Variants in NBAS observed in about 807,000 individuals in gnomAD.
The protein encoded by NBAS is NAG/BC035112 fusion.
Under a neutral mutation model 302.5 loss-of-function variants are expected in NBAS, and 219 were observed. That is an observed-to-expected ratio of 0.72 (90% CI 0.65 to 0.81). NBAS has a LOEUF of 0.81. Among genes scored for constraint, NBAS ranks in the 30% least tolerant of loss-of-function variants. NBAS has a pLI of 0.00. For synonymous variants in NBAS, 1,118 were observed against 1,021.6 expected (o/e 1.09, Z -1.80); for missense variants, 2,932 against 2,841.6 (o/e 1.03, Z -0.72).
the NBAS span, among the ~76,000 whole-genome samples, chr2:14,819,499 T>C: frequency 2.0e-5 from 3 of 152,212 alleles, no homozygotes; most frequent in African/African-American, 4.8e-5. Context: ...AATCACTGTC[T>C]AGTACAAAAT....
At chr2:15,034,187 A>AAGAGAAAC in the NBAS span, among the ~76,000 whole-genome samples, 2 of 63,566 alleles carry the variant, frequency 3.1e-5, no homozygotes, top group East Asian at 2.4e-3. Flanking sequence ...GAATGAAAGA[A>AAGAGAAAC]AGAGAAACAA....
chr2:15,475,326 A>G (rs946448760), intron 14 of NBAS, among the ~76,000 whole-genome samples: 1 of 152,220 alleles, frequency 6.6e-6, no homozygotes, highest in East Asian at 1.9e-4. Context: ...TTCCTTACTA[A>G]AAGAATCAAA....
Position 15,328,260 on chromosome 2 carries a change from A to G in NBAS, c.4400T>C (p.Leu1467Pro). 2 of 1,614,020 alleles carry G rather than the reference A, an allele frequency of 1.2e-6. No individual in the cohort carries two copies. The highest frequency in any genetic ancestry group is 8.5e-7 in the Non-Finnish European group (1 of 1,179,934). Residue 1467 changes from leucine to proline, a missense_variant, in exon 37 of 52, where the codon CTA becomes CCA. Coordinates refer to ENST00000281513, the MANE Select transcript of NBAS (RefSeq NM_015909.4). ...AAAAGGATGACACCCTTGTTTCTCT[A>G]GATCTTCATTGGCTGTAGTTCCGAT... ...YQIGTTANED[L>P]EKQGCHPFYE...
intron 46 of NBAS, 148 bp downstream of exon 46, chr2:15,234,397 A>T: frequency 1.3e-6 from 1 of 790,732 alleles, no homozygotes; most frequent in Middle Eastern, 2.7e-4. Context: ...CTGAAGACAT[A>T]AGACTATGAG....
intron 10 of NBAS, among the ~76,000 whole-genome samples, chr2:15,508,600 T>C (rs1558399020): frequency 6.6e-6 from 1 of 152,210 alleles, no homozygotes; most frequent in African/African-American, 2.4e-5. Flanking sequence ...CTCACCTAGC[T>C]AGACCAGTTA....
the NBAS span, among the ~76,000 whole-genome samples, chr2:14,787,465 C>T: frequency 6.6e-6 from 1 of 152,132 alleles, no homozygotes; most frequent in African/African-American, 2.4e-5. Flanking sequence ...GGTACCGGCT[C>T]TTCCTTTCCA....
Position 15,504,151 on chromosome 2 carries a change from T to C in NBAS, c.948A>G (p.Gln316=), listed in dbSNP as rs755085623. 1.3e-5 allele frequency: 21 copies of C among 1,613,078 alleles called. No individual in the cohort carries two copies. The highest frequency in any genetic ancestry group is 1.8e-5 in the Non-Finnish European group (21 of 1,179,092). Residue 316 remains glutamine, a synonymous_variant, in exon 11 of 52, where the codon CAA becomes CAG. Coordinates refer to ENST00000281513, the MANE Select transcript of NBAS (RefSeq NM_015909.4). ...LSVKFYSRQG[Q]EQDGIFKMSL... is the part of the protein sequence containing the mutation. ...TTAAGCCAATTTGTGTTACCTGTTC[T>C]TGTCCCTGGCGACTGTAAAACTTGA... is the stretch of plus-strand genomic sequence containing the variant.
the NBAS span, among the ~76,000 whole-genome samples, chr2:14,796,277 G>T: frequency 6.6e-6 from 1 of 152,064 alleles, no homozygotes; most frequent in African/African-American, 2.4e-5. Flanking sequence ...GATAGGGAAG[G>T]TTCTACAACT....
At chr2:14,856,887 C>T in the NBAS span, among the ~76,000 whole-genome samples, 1 of 152,102 alleles carries the variant, frequency 6.6e-6, no homozygotes, top group Non-Finnish European at 1.5e-5. Flanking sequence ...TCAAATTATC[C>T]TTGTTTGCTG....
At chr2:15,493,638 G>A (rs868682695) in intron 11 of NBAS, among the ~76,000 whole-genome samples, 2 of 150,796 alleles carry the variant, frequency 1.3e-5, no homozygotes, top group Middle Eastern at 6.8e-3. Flanking sequence ...TTGCACTGCA[G>A]CCTGGGCAAC....
intron 10 of NBAS, among the ~76,000 whole-genome samples, chr2:15,504,780 C>G (rs564039745): frequency 1.3e-5 from 2 of 152,138 alleles, no homozygotes; most frequent in African/African-American, 4.8e-5. Context: ...TAAAACCGTA[C>G]AGCCACTGTG....
At chr2:14,992,816 C>T in the NBAS span, among the ~76,000 whole-genome samples, 3 of 152,142 alleles carry the variant, frequency 2.0e-5, no homozygotes, top group Non-Finnish European at 2.9e-5. Context: ...CAACCACCAT[C>T]GATTCTAAAC....
intron 28 of NBAS, among the ~76,000 whole-genome samples, chr2:15,391,876 T>C (rs967689117): frequency 2.8e-5 from 4 of 143,462 alleles, no homozygotes; most frequent in Non-Finnish European, 4.5e-5. Context: ...TACCGTAGCA[T>C]ACTAAAAAAA....
the NBAS span, among the ~76,000 whole-genome samples, chr2:15,137,894 G>T: frequency 1.3e-5 from 2 of 152,160 alleles, no homozygotes; most frequent in Admixed American, 6.5e-5. Context: ...TCTTGTCTCA[G>T]CCCACTGAGT....
chr2:15,081,604 C>T, the NBAS span, among the ~76,000 whole-genome samples: 1 of 152,198 alleles, frequency 6.6e-6, no homozygotes, highest in African/African-American at 2.4e-5. Flanking sequence ...GCTCACAAGG[C>T]AGCCACATCC....
chr2:15,072,071 A>G, the NBAS span, among the ~76,000 whole-genome samples: 1 of 152,166 alleles, frequency 6.6e-6, no homozygotes, highest in African/African-American at 2.4e-5. Flanking sequence ...ATGAATTTCC[A>G]CTTTGAAGAA....
chr2:14,870,552 T>C, the NBAS span, among the ~76,000 whole-genome samples: 3,089 of 151,780 alleles, frequency 0.02, 113 homozygotes, highest in African/African-American at 0.07. Flanking sequence ...AGAATAAAGG[T>C]GGCTTAGGTC....
At chr2:15,556,703 T>C in intron 3 of NBAS, 80 bp downstream of exon 3, 3 of 1,310,520 alleles carry the variant, frequency 2.3e-6, no homozygotes, top group South Asian at 1.2e-5. Context: ...TAGAATTCAA[T>C]TATGAAAACA....
chr2:14,920,231 C>A, the NBAS span, among the ~76,000 whole-genome samples: 13 of 152,088 alleles, frequency 8.5e-5, no homozygotes, highest in African/African-American at 2.9e-4. Context: ...TGTCAATGAG[C>A]AGTAATATTT....
Sources: allele counts gnomAD v4.1 joint callset (sites outside exome capture counted in the v4.1 genomes callset), GRCh38; gene constraint gnomAD v4.1.1; transcripts MANE v1.5; gene names NCBI Gene and HGNC (gene_info 2026-07-23, HGNC 2026-07-21).